Variants in CSMD2 observed in about 807,000 individuals in gnomAD.
The protein encoded by CSMD2 is CUB and Sushi multiple domains 2.
A neutral mutation model predicts 398.5 loss-of-function variants in CSMD2; 130 were observed. The ratio of observed to expected loss-of-function variants is 0.33; its 90% CI spans 0.28 to 0.38. The LOEUF (loss-of-function observed/expected upper bound fraction) is 0.38. CSMD2 is among the 10% of genes least tolerant of loss of function. The pLI, the probability that CSMD2 is intolerant of heterozygous loss-of-function variation, is 1.00. For missense variants in CSMD2, 3,829 were observed against 4,764.9 expected (o/e 0.80, Z 5.78); for synonymous variants, 1,828 against 1,908.5 (o/e 0.96, Z 1.10).
intron 5 of CSMD2, chr1:33,873,473 A>C (rs1640618401): frequency 6.6e-6 from 1 of 152,218 alleles, no homozygotes; most frequent in South Asian, 2.1e-4. Flanking sequence ...TTCTCATATC[A>C]GGTTATAAAA....
chr1:33,752,929 G>A (rs1270628307), intron 13 of CSMD2, among the ~76,000 whole-genome samples: 3 of 152,194 alleles, frequency 2.0e-5, no homozygotes, highest in African/African-American at 2.4e-5. Context: ...TAAGAGTGAC[G>A]ACCTAGGGTA....
At position 33,636,578 on chromosome 1, in the gene CSMD2, G is replaced by T. The variant is rs1190065107; in HGVS notation, c.4775-24C>A. 2 of 1,605,282 alleles carry T rather than the reference G, an allele frequency of 1.2e-6. No homozygotes were observed. The highest frequency in any genetic ancestry group is 1.7e-5 in the Admixed American group (1 of 59,830). ...TTCTGGGAAAAAGAAATACAAACACGTGCACACACACAGAGGGCTCATGAG... is the reference window on the plus strand; with the variant it reads ...TTCTGGGAAAAAGAAATACAAACACTTGCACACACACAGAGGGCTCATGAG... On this transcript the variant is annotated intron_variant, in intron 29 of 70. Transcript: ENST00000373381. The surrounding 1 kb of genome is among the most constrained non-coding windows in gnomAD (Gnocchi z 4.8).
intron 12 of CSMD2, among the ~76,000 whole-genome samples, chr1:33,774,971 C>G (rs1030053216): frequency 6.6e-6 from 1 of 152,124 alleles, no homozygotes; most frequent in Admixed American, 6.5e-5. Context: ...AAGAAATGAA[C>G]AGACAAGGAA....
chr1:33,819,889 GCCCCAAGTCCTT>G, intron 8 of CSMD2, 52 bp from the exon 9 acceptor site: 1 of 1,603,724 alleles, frequency 6.2e-7, no homozygotes, highest in Non-Finnish European at 8.5e-7. Flanking sequence ...GCCAAGCCCC[GCCCCAAGTCCTT>G]CCTGGTTCCA....
chr1:33,713,795 A>G (rs1487303831), intron 21 of CSMD2, among the ~76,000 whole-genome samples: 1 of 152,094 alleles, frequency 6.6e-6, no homozygotes, highest in Non-Finnish European at 1.5e-5. Context: ...CCAGATATCT[A>G]TCTCTGGCCA....
intron 24 of CSMD2, among the ~76,000 whole-genome samples, chr1:33,693,457 G>C (rs1645310624): frequency 6.6e-6 from 1 of 152,196 alleles, no homozygotes; most frequent in Non-Finnish European, 1.5e-5. Context: ...AGCGTAGGTG[G>C]GGAGTGGAGA....
chr1:33,726,524 C>T, intron 16 of CSMD2, 23 bp downstream of exon 16: 1 of 1,599,318 alleles, frequency 6.3e-7, no homozygotes, highest in South Asian at 1.1e-5. Context: ...TGCCCTCTCC[C>T]CCAAGGCTGT....
intron 5 of CSMD2, among the ~76,000 whole-genome samples, chr1:33,899,471 T>C (rs752951738): frequency 5.3e-5 from 8 of 152,178 alleles, no homozygotes; most frequent in Admixed American, 1.3e-4. Context: ...GTAAATGACC[T>C]CACTGAGTCT....
chr1:34,014,104 C>T (rs979780413), intron 3 of CSMD2, among the ~76,000 whole-genome samples: 1 of 152,192 alleles, frequency 6.6e-6, no homozygotes, highest in African/African-American at 2.4e-5. Context: ...TCTATTAGCT[C>T]CACCTTCAAA....
At chr1:34,019,796 C>T (rs892525560) in intron 3 of CSMD2, among the ~76,000 whole-genome samples, 4 of 152,186 alleles carry the variant, frequency 2.6e-5, no homozygotes, top group African/African-American at 9.7e-5. Flanking sequence ...TGAGCTATTC[C>T]CTGTCCCTCA....
At chr1:33,602,852 C>G (rs1361390066) in intron 42 of CSMD2, among the ~76,000 whole-genome samples, 2 of 152,230 alleles carry the variant, frequency 1.3e-5, no homozygotes, top group Non-Finnish European at 2.9e-5. Context: ...AAGCTGTCCC[C>G]TCTCCCTTCC....
chr1:33,920,795 G>C (rs151269787), intron 4 of CSMD2, among the ~76,000 whole-genome samples: 224 of 152,294 alleles, frequency 1.5e-3, no homozygotes, highest in African/African-American at 4.9e-3. Flanking sequence ...CAAGGTGGGG[G>C]CCTCTTGAAG....
At chr1:33,791,001 G>A (rs1416315381) in intron 11 of CSMD2, among the ~76,000 whole-genome samples, 2 of 152,196 alleles carry the variant, frequency 1.3e-5, no homozygotes, top group Admixed American at 1.3e-4. Context: ...CTGATTCAGT[G>A]GGTACCATTG....
rs562035730 is a variant in CSMD2, at chr1:33,719,807, A to G, written c.3002-3306T>C. 1.5e-4 allele frequency among the ~76,000 whole-genome samples: 23 copies of G among 152,342 alleles called. 1 individual carries two copies. The South Asian group carries it at 4.6e-3, about 30-fold the overall frequency. On this transcript the variant is annotated intron_variant, in intron 19 of 70. Coordinates refer to ENST00000373381, the MANE Select transcript of CSMD2 (RefSeq NM_001281956.2). ...ACAGGTGACATTTACCCCCGAAGTG[A>G]GTCATAACTGGGAAAGTATATGCAA...
At position 33,846,966 on chromosome 1, in the gene CSMD2, A is replaced by G. The variant is rs773601437; in HGVS notation, c.951T>C (p.Val317=). 6.2e-7 allele frequency: 1 copy of G among 1,610,066 alleles called. No homozygotes were observed. Among genetic ancestry groups the G allele is most frequent in the Admixed American group, 1.7e-5 (1 of 59,614 alleles). ...WFTGASLPAP[V]ISSKNWLRLH... is the part of the protein sequence containing the mutation. ...GTCGCAGCCAGTTCTTGCTGCTGAT[A>G]ACGGGGGCTGGGAGGCTGGCTCCGG... is the stretch of plus-strand genomic sequence containing the variant. The change falls in exon 6 of 71, where the codon GTT becomes GTC. Residue 317 remains valine, a synonymous_variant. Coordinates refer to ENST00000373381, the MANE Select transcript of CSMD2 (RefSeq NM_001281956.2).
At chr1:33,739,370 T>A (rs766285809) in intron 14 of CSMD2, 36 bp from the exon 15 acceptor site, 1 of 1,563,626 alleles carries the variant, frequency 6.4e-7, no homozygotes, top group Non-Finnish European at 8.7e-7. Context: ...GATCAGACAT[T>A]GCTGGAGTAG....
chr1:33,785,141 T>A (rs1653365867), intron 12 of CSMD2, among the ~76,000 whole-genome samples: 1 of 152,180 alleles, frequency 6.6e-6, no homozygotes, highest in South Asian at 2.1e-4. Context: ...AGCATATGCT[T>A]TATACCACAT....
intron 3 of CSMD2, among the ~76,000 whole-genome samples, chr1:33,965,545 A>G (rs1645527392): frequency 6.6e-6 from 1 of 152,164 alleles, no homozygotes; most frequent in African/African-American, 2.4e-5. Flanking sequence ...GCTATCAGGA[A>G]GTGCTCCATA....
intron 1 of CSMD2, among the ~76,000 whole-genome samples, chr1:34,099,844 T>A (rs974328786): frequency 1.3e-5 from 2 of 152,148 alleles, no homozygotes; most frequent in Non-Finnish European, 2.9e-5. Context: ...GTGCCTAGAA[T>A]TCAATAAGTA....
Sources: gnomAD v4.1 joint callset for allele counts (sites outside exome capture counted in the v4.1 genomes callset) on GRCh38, gnomAD v4.1.1 for gene constraint, Gnocchi (gnomAD v3.1) non-coding constraint, MANE v1.5 for transcripts, NCBI Gene and HGNC (gene_info 2026-07-23, HGNC 2026-07-21) for gene names.